The following MICAL2 variants were observed in gnomAD, a reference collection of about 807,000 sequenced individuals.
The protein encoded by MICAL2 is [F-actin]-monooxygenase MICAL2.
Under a neutral mutation model 127.3 loss-of-function variants are expected in MICAL2, and 77 were observed. The observed-to-expected ratio is 0.60, with a 90% CI of 0.50 to 0.73. The LOEUF is 0.73. MICAL2 is among the 30% of genes least tolerant of loss of function. The probability of loss-of-function intolerance (pLI) is 0.00; values close to 1 mark genes in which losing one functional copy is unlikely to be tolerated. For missense variants in MICAL2, 1,351 were observed against 1,434.4 expected, an observed-to-expected ratio of 0.94 and a Z score of 0.94; for synonymous variants, 570 against 551.1, an observed-to-expected ratio of 1.03 and a Z score of -0.48.
At chr11:12,302,091 G>C (rs931072184) in intron 29 of MICAL2, among the ~76,000 whole-genome samples, 1 of 152,280 alleles carries the variant, frequency 6.6e-6, no homozygotes, top group Non-Finnish European at 1.5e-5. Flanking sequence ...TAGTGATTGG[G>C]TCCTGAGCTT....
intron 7 of MICAL2, among the ~76,000 whole-genome samples, chr11:12,214,232 A>G (rs948799908): frequency 2.0e-5 from 3 of 152,206 alleles, no homozygotes; most frequent in Non-Finnish European, 2.9e-5. Flanking sequence ...TTTCTTTTTA[A>G]CCTGATTAAA....
At chr11:12,118,234 A>G (rs1850206641) in intron 1 of MICAL2, among the ~76,000 whole-genome samples, 1 of 152,238 alleles carries the variant, frequency 6.6e-6, no homozygotes, top group African/African-American at 2.4e-5. Flanking sequence ...ACATAGATGC[A>G]TAGGACTTAC....
chr11:12,343,101 C>T (rs1938896118), intron 32 of MICAL2, among the ~76,000 whole-genome samples: 1 of 152,100 alleles, frequency 6.6e-6, no homozygotes, highest in South Asian at 2.1e-4. Context: ...CTTTTGACTA[C>T]TGAAGAAAGG....
At chr11:12,309,260 C>T (rs964270488) in intron 29 of MICAL2, among the ~76,000 whole-genome samples, 53 of 152,212 alleles carry the variant, frequency 3.5e-4, no homozygotes, top group African/African-American at 1.2e-3. Flanking sequence ...TCCTATTGTA[C>T]TATCAAACAT....
At chr11:12,340,214 G>A (rs563560188) in intron 32 of MICAL2, among the ~76,000 whole-genome samples, 59 of 152,182 alleles carry the variant, frequency 3.9e-4, no homozygotes, top group Non-Finnish European at 7.4e-4. Context: ...TAAGAAATAG[G>A]CAAACAACCC....
chr11:12,255,590 G>A (rs557410645), intron 22 of MICAL2, 53 bp from the exon 23 acceptor site: 10 of 1,520,814 alleles, frequency 6.6e-6, no homozygotes, highest in Admixed American at 3.4e-5. Context: ...CCTCCTGGGT[G>A]CTAACTGGCC....
At chr11:12,298,145 T>A (rs910129630) in intron 29 of MICAL2, among the ~76,000 whole-genome samples, 4 of 152,016 alleles carry the variant, frequency 2.6e-5, no homozygotes, top group Non-Finnish European at 5.9e-5. Flanking sequence ...ATATGAGTTA[T>A]CTTTCCATTT....
At chr11:12,313,548 T>A (rs1864198692) in intron 29 of MICAL2, among the ~76,000 whole-genome samples, 1 of 152,234 alleles carries the variant, frequency 6.6e-6, no homozygotes, top group Admixed American at 6.5e-5. Flanking sequence ...TGACATATCA[T>A]CAATTTAATA....
chr11:12,248,234 T>C (rs975486032), intron 21 of MICAL2, among the ~76,000 whole-genome samples: 5 of 152,124 alleles, frequency 3.3e-5, no homozygotes, highest in African/African-American at 1.2e-4. Context: ...GCCTGAATGG[T>C]CACAGGGAGT....
intron 5 of MICAL2, 28 bp from the exon 6 acceptor site, chr11:12,209,469 A>C (rs775740860): frequency 6.4e-7 from 1 of 1,560,894 alleles, no homozygotes; most frequent in South Asian, 1.1e-5. Flanking sequence ...TCTCTCTGCC[A>C]ACTCATCTCA....
intron 12 of MICAL2, among the ~76,000 whole-genome samples, chr11:12,223,934 A>G (rs1037662097): frequency 2.0e-5 from 3 of 152,090 alleles, no homozygotes; most frequent in African/African-American, 7.2e-5. Context: ...GGGATGGTTA[A>G]ATGAGGAACT....
chr11:12,338,723 T>C (rs1276317599), intron 32 of MICAL2, among the ~76,000 whole-genome samples: 1 of 152,240 alleles, frequency 6.6e-6, no homozygotes, highest in East Asian at 1.9e-4. Flanking sequence ...AAGCTTAGTT[T>C]GGCTGGATAT....
chr11:12,315,114 A>G (rs1308318506), intron 29 of MICAL2, among the ~76,000 whole-genome samples: 2 of 152,228 alleles, frequency 1.3e-5, no homozygotes, highest in African/African-American at 4.8e-5. Context: ...TCTTTAGAAT[A>G]TAGACTGCAA....
At chr11:12,211,530 G>C (rs1326792075) in intron 6 of MICAL2, among the ~76,000 whole-genome samples, 1 of 152,222 alleles carries the variant, frequency 6.6e-6, no homozygotes, top group Non-Finnish European at 1.5e-5. Context: ...GTTATGTCTG[G>C]AGGTCTGCAC....
intron 3 of MICAL2, among the ~76,000 whole-genome samples, chr11:12,162,860 G>T (rs1854995030): frequency 6.6e-6 from 1 of 152,178 alleles, no homozygotes; most frequent in Non-Finnish European, 1.5e-5. Context: ...CACAACTAGA[G>T]GGCAACCTTA....
intron 21 of MICAL2, among the ~76,000 whole-genome samples, chr11:12,246,655 C>G (rs1013884880): frequency 1.3e-5 from 2 of 152,282 alleles, no homozygotes; most frequent in African/African-American, 4.8e-5. Flanking sequence ...GGACAGAGTG[C>G]AGTGGTATGA....
At chr11:12,341,338 C>G in intron 32 of MICAL2, among the ~76,000 whole-genome samples, 1 of 151,948 alleles carries the variant, frequency 6.6e-6, no homozygotes. Flanking sequence ...GGTGCAAAAT[C>G]ACATCAAAAG....
rs538281696 is a variant in MICAL2, at chr11:12,134,770, G to T, written c.-148-3620G>T. ...TTTGGGAGGCTGAGGCTGGAGGAGC[G>T]TTCAAGGCCAGCAGTTCAAGATCAG... On this transcript the variant is annotated intron_variant, in intron 1 of 27. Coordinates refer to ENST00000683283, the MANE Select transcript of MICAL2 (RefSeq NM_001282663.2). Among the ~76,000 whole-genome samples, 3 of 152,114 alleles carry T rather than the reference G, an allele frequency of 2.0e-5. No homozygotes were observed. In the South Asian group the frequency reaches 6.2e-4, roughly 32 times the overall value.
At chr11:12,263,837 C>G (rs936833457), downstream of MICAL2, 8 of 152,604 alleles carry the variant, frequency 5.2e-5, no homozygotes, top group African/African-American at 1.4e-4. Context: ...ACCTCACACA[C>G]AGGGATTGGT....
Sources: allele counts gnomAD v4.1 joint callset (sites outside exome capture counted in the v4.1 genomes callset), GRCh38; gene constraint gnomAD v4.1.1; transcripts MANE v1.5; gene names NCBI Gene and HGNC (gene_info 2026-07-23, HGNC 2026-07-21).